MARCHF3: variants seen among roughly 807,000 people sequenced by gnomAD.
MARCHF3 encodes membrane associated ring-CH-type finger 3, also known as E3 ubiquitin-protein ligase MARCHF3.
In MARCHF3, 13 loss-of-function variants were observed where a neutral mutation model predicts 24.2. The ratio of observed to expected loss-of-function variants is 0.54; its 90% CI spans 0.35 to 0.85. The LOEUF is 0.85. Among genes scored for constraint, MARCHF3 ranks in the 40% least tolerant of loss-of-function variants. MARCHF3 has a pLI of 0.01. For synonymous variants in MARCHF3, 144 were observed against 137.3 expected, an observed-to-expected ratio of 1.05 and a Z score of -0.34; for missense variants, 276 against 325.0, an observed-to-expected ratio of 0.85 and a Z score of 1.16.
At position 127,010,024 on chromosome 5, in the gene MARCHF3, T is replaced by G. The variant is rs1752428368; in HGVS notation, c.-57+20326A>C. ...AATGATCCAGTTTTCTGTTCCTTTC[T>G]CAGAAGAGGAACCTGGTGACTCCTG... is the stretch of plus-strand genomic sequence containing the variant. On this transcript the variant is annotated intron_variant, in intron 1 of 4. Coordinates refer to ENST00000308660, the MANE Select transcript of MARCHF3 (RefSeq NM_178450.5). 2.0e-5 allele frequency among the ~76,000 whole-genome samples: 3 copies of G among 152,302 alleles called. No homozygotes were observed. The South Asian group carries it at 6.2e-4, about 32-fold the overall frequency.
At chr5:126,980,615 C>T (rs984291726) in intron 1 of MARCHF3, among the ~76,000 whole-genome samples, 6 of 152,090 alleles carry the variant, frequency 3.9e-5, no homozygotes, top group South Asian at 4.1e-4. Context: ...ATGATCTGCC[C>T]GCCCCAGCCT....
chr5:127,017,758 T>C (rs2126861558), intron 1 of MARCHF3, among the ~76,000 whole-genome samples: 1 of 152,344 alleles, frequency 6.6e-6, no homozygotes, highest in Admixed American at 6.5e-5. Flanking sequence ...ATAATAAGCT[T>C]ATATCAAAGA....
At chr5:126,897,142 C>T (rs941465407) in intron 3 of MARCHF3, among the ~76,000 whole-genome samples, 4 of 149,456 alleles carry the variant, frequency 2.7e-5, no homozygotes, top group East Asian at 4.0e-4. Flanking sequence ...CGGGTTCAAG[C>T]GATTCTCCTG....
chr5:126,940,480 C>T (rs1749791225), intron 1 of MARCHF3, among the ~76,000 whole-genome samples: 1 of 151,886 alleles, frequency 6.6e-6, no homozygotes, highest in African/African-American at 2.4e-5. Context: ...CAGAGTTTTG[C>T]TCTGTTGCCC....
At chr5:126,925,231 G>GA (rs566579401) in intron 1 of MARCHF3, among the ~76,000 whole-genome samples, 1 of 151,682 alleles carries the variant, frequency 6.6e-6, no homozygotes, top group African/African-American at 2.4e-5. Flanking sequence ...GTTAGAGGGA[G>GA]AAAAAAAACC....
chr5:126,876,091 C>A (rs1436726302), intron 4 of MARCHF3, among the ~76,000 whole-genome samples: 1 of 152,206 alleles, frequency 6.6e-6, no homozygotes, highest in Non-Finnish European at 1.5e-5. Context: ...TCTACCCAAA[C>A]CTTCCTTTCA....
intron 3 of MARCHF3, among the ~76,000 whole-genome samples, chr5:126,908,212 CT>C (rs1754373087): frequency 6.6e-6 from 1 of 152,190 alleles, no homozygotes; most frequent in Non-Finnish European, 1.5e-5. Context: ...ATGGGCTTCT[CT>C]TTGAGGGTAA....
Position 126,921,494 on chromosome 5 carries a change from T to C in MARCHF3, c.-56-3267A>G, listed in dbSNP as rs112800925. On this transcript the variant is annotated intron_variant, in intron 1 of 4. Coordinates refer to ENST00000308660, the MANE Select transcript of MARCHF3 (RefSeq NM_178450.5). ...CCTGGGGCAGTGACAAATGGCCCAC[T>C]GCATTTTCCTTGTCTAGTTCAAAGC... 5.9e-3 allele frequency among the ~76,000 whole-genome samples: 900 copies of C among 152,334 alleles called. 10 individuals carry two copies. The highest frequency in any genetic ancestry group is 0.021 in the African/African-American group (877 of 41,580).
intron 3 of MARCHF3, among the ~76,000 whole-genome samples, chr5:126,889,837 G>A (rs1439416756): frequency 6.6e-6 from 1 of 152,124 alleles, no homozygotes; most frequent in Non-Finnish European, 1.5e-5. Flanking sequence ...CCTTATTTTT[G>A]TTCTAAACTC....
At chr5:126,888,332 T>C (rs758851460) in intron 3 of MARCHF3, among the ~76,000 whole-genome samples, 12 of 152,224 alleles carry the variant, frequency 7.9e-5, no homozygotes, top group Non-Finnish European at 1.5e-4. Flanking sequence ...TAACGGGCTA[T>C]AATGCTCCAT....
intron 1 of MARCHF3, among the ~76,000 whole-genome samples, chr5:126,984,830 C>G (rs1034684185): frequency 6.6e-6 from 1 of 152,118 alleles, no homozygotes; most frequent in African/African-American, 2.4e-5. Flanking sequence ...CTCTGGAAAA[C>G]TAAGTGGAAT....
chr5:127,023,791 A>T (rs1752902558), intron 1 of MARCHF3, among the ~76,000 whole-genome samples: 1 of 151,416 alleles, frequency 6.6e-6, no homozygotes, highest in Non-Finnish European at 1.5e-5. Flanking sequence ...AATAAAAAAT[A>T]AAAAAAGGTT....
intron 1 of MARCHF3, among the ~76,000 whole-genome samples, chr5:126,955,031 ATACTC>A: frequency 6.6e-6 from 1 of 152,358 alleles, no homozygotes; most frequent in East Asian, 1.9e-4. Flanking sequence ...CATAACATCC[ATACTC>A]TAAAGTCACT....
chr5:126,878,522 G>C, intron 3 of MARCHF3, 128 bp from the exon 4 acceptor site: 8 of 809,474 alleles, frequency 9.9e-6, no homozygotes, highest in Non-Finnish European at 1.4e-5. Flanking sequence ...GACTTGTTAT[G>C]AGATAACAAG....
intron 1 of MARCHF3, among the ~76,000 whole-genome samples, chr5:126,989,331 C>A (rs145906285): frequency 0.013 from 1,798 of 142,196 alleles, 35 homozygotes; most frequent in African/African-American, 0.039. Flanking sequence ...ACTACTACTA[C>A]TACTACTAAT....
chr5:126,888,743 T>G (rs1753578398), intron 3 of MARCHF3, among the ~76,000 whole-genome samples: 2 of 152,254 alleles, frequency 1.3e-5, no homozygotes, highest in Admixed American at 6.5e-5. Flanking sequence ...TTATTTATTT[T>G]GGGAACAATA....
chr5:127,003,188 T>C (rs928026529), intron 1 of MARCHF3, among the ~76,000 whole-genome samples: 2 of 145,064 alleles, frequency 1.4e-5, no homozygotes, highest in Non-Finnish European at 3.1e-5. Flanking sequence ...ACTAGAAAAA[T>C]AAGGCTTTTG....
chr5:126,971,448 CAAAA>C (rs60881844), intron 1 of MARCHF3, among the ~76,000 whole-genome samples: 5 of 89,746 alleles, frequency 5.6e-5, no homozygotes, highest in African/African-American at 1.2e-4. Context: ...GACTCTGTCT[CAAAA>C]AAAAAAAAAA....
At chr5:126,954,684 T>C (rs1750380450) in intron 1 of MARCHF3, among the ~76,000 whole-genome samples, 1 of 151,636 alleles carries the variant, frequency 6.6e-6, no homozygotes. Context: ...GTTTCTTTTT[T>C]TTTTTTTTTT....
Sources: gnomAD v4.1 joint callset for allele counts (sites outside exome capture counted in the v4.1 genomes callset) on GRCh38, gnomAD v4.1.1 for gene constraint, MANE v1.5 for transcripts, NCBI Gene and HGNC (gene_info 2026-07-23, HGNC 2026-07-21) for gene names.